The following CALCR variants were observed in gnomAD, a reference collection of about 807,000 sequenced individuals.
The protein encoded by CALCR is calcitonin receptor.
In CALCR, 47 loss-of-function variants were observed where a neutral mutation model predicts 59.5. That is an observed-to-expected ratio of 0.79 (90% CI 0.63 to 1.01). The LOEUF (loss-of-function observed/expected upper bound fraction) is 1.01, where lower values mean the gene tolerates loss of function less well. Ranked by LOEUF, CALCR falls within the 50% of genes least tolerant of loss-of-function variation. The pLI is 0.00. For synonymous variants in CALCR, 213 were observed against 211.3 expected (o/e 1.01, Z -0.07); for missense variants, 566 against 597.1 (o/e 0.95, Z 0.54).
intron 3 of CALCR, among the ~76,000 whole-genome samples, chr7:93,483,450 TAGATAGAC>T (rs61527501): frequency 0.13 from 16,763 of 133,462 alleles, 2,104 homozygotes; most frequent in African/African-American, 0.37. Flanking sequence ...GATAGATAGA[TAGATAGAC>T]AGACAGATAG....
At chr7:93,540,027 G>A (rs945461436) in intron 2 of CALCR, among the ~76,000 whole-genome samples, 1 of 152,188 alleles carries the variant, frequency 6.6e-6, no homozygotes, top group Non-Finnish European at 1.5e-5. Context: ...ATTCCCTTGG[G>A]GGAATTGTGG....
chr7:93,487,817 A>G (rs941125019), intron 2 of CALCR, among the ~76,000 whole-genome samples: 3 of 151,432 alleles, frequency 2.0e-5, no homozygotes, highest in Non-Finnish European at 4.4e-5. Context: ...TATCTACTGT[A>G]TTACCCATAG....
At chr7:93,514,570 G>A (rs574333639) in intron 2 of CALCR, among the ~76,000 whole-genome samples, 1 of 151,808 alleles carries the variant, frequency 6.6e-6, no homozygotes, top group Non-Finnish European at 1.5e-5. Context: ...TAAAGTTGAC[G>A]CCACTCTATT....
At chr7:93,511,416 T>C (rs1801543990) in intron 2 of CALCR, among the ~76,000 whole-genome samples, 1 of 152,108 alleles carries the variant, frequency 6.6e-6, no homozygotes, top group Non-Finnish European at 1.5e-5. Context: ...TTTAGTAAAT[T>C]GTTATGTGGG....
At position 93,438,127 on chromosome 7, in the gene CALCR, C is replaced by T. The variant is rs1165321486; in HGVS notation, c.864-1G>A. The T allele has an allele frequency of 6.2e-7, 1 of 1,613,884 alleles. No individual in the cohort carries two copies. On this transcript the variant is annotated splice_acceptor_variant, in intron 10 of 13. Coordinates refer to ENST00000426151, the MANE Select transcript of CALCR (RefSeq NM_001742.4). LOFTEE classifies it high-confidence loss of function. ...ATGGGTTTCCACACTCAGCCAGCAGCTGAAAAAGGGCAAGGGGACAATTAA... is the reference window on the plus strand; with the variant it reads ...ATGGGTTTCCACACTCAGCCAGCAGTTGAAAAAGGGCAAGGGGACAATTAA...
chr7:93,511,306 T>C (rs756359315), intron 2 of CALCR, among the ~76,000 whole-genome samples: 1 of 152,146 alleles, frequency 6.6e-6, no homozygotes, highest in Non-Finnish European at 1.5e-5. Context: ...CTTAAACTAG[T>C]ACATGGGTGT....
chr7:93,472,256 G>A, intron 6 of CALCR, 119 bp downstream of exon 6: 1 of 628,388 alleles, frequency 1.6e-6, no homozygotes. Context: ...GTTATCATAT[G>A]ATTTCTTTCC....
chr7:93,526,151 G>C (rs1380736365), intron 2 of CALCR, among the ~76,000 whole-genome samples: 1 of 152,096 alleles, frequency 6.6e-6, no homozygotes, highest in Non-Finnish European at 1.5e-5. Flanking sequence ...ATATAGAAAG[G>C]GGCTTTAGAG....
chr7:93,439,432 G>C (rs1402669221), intron 9 of CALCR, among the ~76,000 whole-genome samples: 1 of 152,148 alleles, frequency 6.6e-6, no homozygotes, highest in African/African-American at 2.4e-5. Context: ...TTTAGAATTA[G>C]AGAGAAAGAG....
intron 2 of CALCR, among the ~76,000 whole-genome samples, chr7:93,519,531 C>A (rs1377724271): frequency 6.6e-6 from 1 of 151,910 alleles, no homozygotes; most frequent in Non-Finnish European, 1.5e-5. Context: ...ATTTGGCAGT[C>A]CTCAGCACAT....
intron 2 of CALCR, among the ~76,000 whole-genome samples, chr7:93,552,562 CCA>C (rs1282109735): frequency 6.6e-6 from 1 of 152,086 alleles, no homozygotes; most frequent in Admixed American, 6.6e-5. Context: ...TTTACAAAAG[CCA>C]CTTTCATGGC....
chr7:93,534,492 ATG>A (rs1449436720), intron 2 of CALCR, among the ~76,000 whole-genome samples: 3 of 126,752 alleles, frequency 2.4e-5, no homozygotes, highest in South Asian at 6.2e-4. Flanking sequence ...AATAATTGTC[ATG>A]CTTTTGAATA....
intron 4 of CALCR, among the ~76,000 whole-genome samples, 177 bp from the exon 5 acceptor site, chr7:93,477,845 C>T (rs137916242): frequency 3.3e-4 from 50 of 151,456 alleles, no homozygotes; most frequent in African/African-American, 1.2e-3. Context: ...CTTAGCATAT[C>T]TGTGACCAAA....
rs552739496 is a variant in CALCR, at chr7:93,444,243, C to T, written c.649-486G>A. 4.6e-5 allele frequency among the ~76,000 whole-genome samples: 7 copies of T among 152,110 alleles called. No homozygotes were observed. The East Asian group carries it at 5.8e-4, about 13-fold the overall frequency. ...ATTTCATATATAAACCCAGGAGATA[C>T]GCTGAGCCTAGCTGCTGTTTATGCT... On this transcript the variant is annotated intron_variant, in intron 8 of 13. Coordinates refer to ENST00000426151, the MANE Select transcript of CALCR (RefSeq NM_001742.4).
intron 3 of CALCR, among the ~76,000 whole-genome samples, chr7:93,485,224 G>C (rs1800915440): frequency 6.6e-6 from 1 of 151,532 alleles, no homozygotes; most frequent in South Asian, 2.1e-4. Context: ...ACAGCAAAGA[G>C]AGCACAAACC....
chr7:93,553,349 G>C (rs987073495), intron 2 of CALCR, among the ~76,000 whole-genome samples: 3 of 152,122 alleles, frequency 2.0e-5, no homozygotes, highest in Non-Finnish European at 4.4e-5. Context: ...GAGGTACTGG[G>C]TATTAAGGAC....
chr7:93,452,575 T>C (rs1487112806), intron 8 of CALCR, among the ~76,000 whole-genome samples: 1 of 152,042 alleles, frequency 6.6e-6, no homozygotes, highest in Non-Finnish European at 1.5e-5. Flanking sequence ...CAATTAAAAG[T>C]GAGTCTGTTA....
intron 2 of CALCR, among the ~76,000 whole-genome samples, chr7:93,553,857 T>C (rs1469288399): frequency 6.6e-6 from 1 of 152,132 alleles, no homozygotes; most frequent in Non-Finnish European, 1.5e-5. Context: ...GGATAGTAAC[T>C]ACATGGTACA....
In CALCR at chr7:93,522,701, G is replaced by T. The variant is rs368914945; in HGVS notation, c.-26-35694C>A. On this transcript the variant is annotated intron_variant, in intron 2 of 13. Transcript: ENST00000426151. ...ATCACAAAGCCAGTTCAAGGCACAGGCAGGAAAAGCCCAGCATGCCATCTG... is the reference window on the plus strand; with the variant it reads ...ATCACAAAGCCAGTTCAAGGCACAGTCAGGAAAAGCCCAGCATGCCATCTG... Among the ~76,000 whole-genome samples, 637 of 152,234 alleles carry T rather than the reference G, an allele frequency of 4.2e-3. 4 individuals are homozygous for T. The highest frequency in any genetic ancestry group is 0.014 in the African/African-American group (600 of 41,548).
Sources: gnomAD v4.1 joint callset for allele counts (sites outside exome capture counted in the v4.1 genomes callset) on GRCh38, gnomAD v4.1.1 for gene constraint, MANE v1.5 for transcripts, NCBI Gene and HGNC (gene_info 2026-07-23, HGNC 2026-07-21) for gene names.